Variants in CACNA1D observed in about 807,000 individuals in gnomAD.
CACNA1D encodes the protein calcium voltage-gated channel subunit alpha1 D, also known as voltage-dependent L-type calcium channel subunit alpha-1D.
In CACNA1D, 55 loss-of-function variants were observed where a neutral mutation model predicts 257.1. That is an observed-to-expected ratio of 0.21 (90% CI 0.17 to 0.27). CACNA1D has a LOEUF of 0.27. CACNA1D is among the 10% of genes least tolerant of loss of function. The probability of loss-of-function intolerance (pLI) is 1.00; values close to 1 mark genes in which losing one functional copy is unlikely to be tolerated. For synonymous variants in CACNA1D, 980 were observed against 1,014.9 expected (o/e 0.97, Z 0.65); for missense variants, 1,876 against 2,784.0 (o/e 0.67, Z 7.34).
intron 3 of CACNA1D, among the ~76,000 whole-genome samples, chr3:53,616,763 A>G (rs2093641694): frequency 6.6e-6 from 1 of 152,096 alleles, no homozygotes; most frequent in African/African-American, 2.4e-5. Flanking sequence ...CCTGAAACTC[A>G]GAAGCATGCC....
intron 4 of CACNA1D, among the ~76,000 whole-genome samples, chr3:53,655,789 C>T (rs2094142223): frequency 6.6e-6 from 1 of 152,002 alleles, no homozygotes; most frequent in African/African-American, 2.4e-5. Context: ...TTAATTAGGC[C>T]CATATGTCAG....
intron 38 of CACNA1D, among the ~76,000 whole-genome samples, chr3:53,780,630 T>A (rs2095420789): frequency 6.6e-6 from 1 of 152,206 alleles, no homozygotes; most frequent in Non-Finnish European, 1.5e-5. Context: ...TATAGTGGGA[T>A]CAGCATCTTC....
intron 3 of CACNA1D, among the ~76,000 whole-genome samples, chr3:53,554,024 G>A (rs986297772): frequency 4.6e-5 from 7 of 151,792 alleles, no homozygotes; most frequent in Non-Finnish European, 8.8e-5. Context: ...GTGAAACCCT[G>A]TCTCTACTAA....
At chr3:53,724,656 C>G (rs975352577) in intron 14 of CACNA1D, among the ~76,000 whole-genome samples, 1 of 152,204 alleles carries the variant, frequency 6.6e-6, no homozygotes, top group Non-Finnish European at 1.5e-5. Context: ...AAACCCTCCT[C>G]CTTGGACAGG....
intron 14 of CACNA1D, among the ~76,000 whole-genome samples, chr3:53,726,046 A>T (rs1042257586): frequency 2.0e-5 from 3 of 152,246 alleles, no homozygotes; most frequent in Admixed American, 6.5e-5. Context: ...AGGTATAATT[A>T]TCCATTTCCA....
chr3:53,642,006 T>G (rs2093958227), intron 3 of CACNA1D, among the ~76,000 whole-genome samples: 1 of 152,174 alleles, frequency 6.6e-6, no homozygotes, highest in Non-Finnish European at 1.5e-5. Flanking sequence ...ACTCCTTCAT[T>G]TGCAGGTGAC....
At chr3:53,788,953 GA>G (rs1052072494) in intron 40 of CACNA1D, among the ~76,000 whole-genome samples, 7 of 152,068 alleles carry the variant, frequency 4.6e-5, no homozygotes, top group African/African-American at 1.7e-4. Context: ...CTAGTGGCTG[GA>G]AATAGTGTTT....
chr3:53,796,277 A>T (rs528924159), intron 40 of CACNA1D: 1 of 454,426 alleles, frequency 2.2e-6, no homozygotes, highest in African/African-American at 2.0e-5. Flanking sequence ...TGTGATGGGG[A>T]ACAGGCTCTG....
Position 53,811,223 on chromosome 3 carries a change from T to G in CACNA1D, c.6303T>G (p.Ser2101Arg), listed in dbSNP as rs1559734235. The change falls in exon 48 of 48, where the codon AGT (serine) becomes AGG (arginine). Residue 2101 changes from serine (S) to arginine (R), a missense_variant. Physicochemically the swap from Ser to Arg is moderately radical, Grantham distance 110 (BLOSUM62 -1). Coordinates refer to ENST00000350061, the MANE Select transcript of CACNA1D (RefSeq NM_001128840.3). This position sits in a 1 kb window ranked among gnomAD's most constrained non-coding sequence, Gnocchi z 4.2. ...ACDLTIDEME[S>R]AASTLLNGNV... is the part of the protein sequence containing the mutation. Reference sequence around the variant, plus strand: ...ACCTCACCATCGACGAGATGGAGAGTGCAGCCAGCACCCTGCTTAATGGGA... The same window carrying G: ...ACCTCACCATCGACGAGATGGAGAGGGCAGCCAGCACCCTGCTTAATGGGA... The G allele has an allele frequency of 6.2e-7, 1 of 1,613,616 alleles. No individual in the cohort carries two copies. The highest frequency in any genetic ancestry group is 8.5e-7 in the Non-Finnish European group (1 of 1,179,900).
intron 20 of CACNA1D, among the ~76,000 whole-genome samples, chr3:53,739,814 C>A (rs991641335): frequency 1.3e-5 from 2 of 152,194 alleles, no homozygotes; most frequent in Non-Finnish European, 2.9e-5. Flanking sequence ...GCTACTGGCT[C>A]CGACAGATGC....
chr3:53,761,577 T>C (rs1226332187), intron 29 of CACNA1D, among the ~76,000 whole-genome samples: 1 of 152,232 alleles, frequency 6.6e-6, no homozygotes, highest in African/African-American at 2.4e-5. Flanking sequence ...ATGTGTGCAA[T>C]ACCTGGTGAC....
chr3:53,549,495 C>T (rs9880731), intron 3 of CACNA1D, among the ~76,000 whole-genome samples: 7,895 of 152,132 alleles, frequency 0.052, 728 homozygotes, highest in African/African-American at 0.18. Context: ...ACTTAACACT[C>T]CTCAGCTGTA....
At chr3:53,703,102 G>A (rs951620783) in intron 9 of CACNA1D, among the ~76,000 whole-genome samples, 1 of 152,234 alleles carries the variant, frequency 6.6e-6, no homozygotes, top group Non-Finnish European at 1.5e-5. Context: ...GCATTTCTGT[G>A]CGGGCACAGG....
At chr3:53,807,969 T>C (rs1191490122) in intron 45 of CACNA1D, 1 of 153,020 alleles carries the variant, frequency 6.5e-6, no homozygotes, top group Non-Finnish European at 1.5e-5. Flanking sequence ...ATATGTCAGC[T>C]GCTGGGGACA....
At chr3:53,537,198 C>G (rs1006854549) in intron 3 of CACNA1D, among the ~76,000 whole-genome samples, 1 of 152,122 alleles carries the variant, frequency 6.6e-6, no homozygotes, top group Non-Finnish European at 1.5e-5. Flanking sequence ...TTTGTTTATA[C>G]TAGAATATAT....
chr3:53,504,098 T>C (rs1016756885), intron 3 of CACNA1D, among the ~76,000 whole-genome samples: 5 of 151,570 alleles, frequency 3.3e-5, no homozygotes, highest in African/African-American at 1.2e-4. Context: ...TGTACTAGAG[T>C]GATTGCTCTA....
intron 20 of CACNA1D, among the ~76,000 whole-genome samples, chr3:53,737,802 G>A (rs932603216): frequency 3.0e-4 from 46 of 152,276 alleles, no homozygotes; most frequent in African/African-American, 7.9e-4. Context: ...CAGCCTCTGC[G>A]ACAAGAGCAA....
At chr3:53,576,464 A>G (rs2107719194) in intron 3 of CACNA1D, among the ~76,000 whole-genome samples, 2 of 152,316 alleles carry the variant, frequency 1.3e-5, no homozygotes, top group Middle Eastern at 6.8e-3. Context: ...GCTTTCTGTA[A>G]TGTTTTCCCA....
At chr3:53,746,542 C>T (rs554877267) in intron 25 of CACNA1D, among the ~76,000 whole-genome samples, 9 of 152,192 alleles carry the variant, frequency 5.9e-5, no homozygotes, top group Non-Finnish European at 1.2e-4. Flanking sequence ...ACATAACTGA[C>T]TGGGCTCTGG....
Sources: allele counts gnomAD v4.1 joint callset (sites outside exome capture counted in the v4.1 genomes callset), GRCh38; gene constraint gnomAD v4.1.1; non-coding constraint Gnocchi (gnomAD v3.1); transcripts MANE v1.5; gene names NCBI Gene and HGNC (gene_info 2026-07-23, HGNC 2026-07-21).